The following CIRSR variants were observed in gnomAD, a reference collection of about 807,000 sequenced individuals.
CIRSR encodes corepressor of RBPJ and splicing regulator.
At chr2:174,363,603 A>G in the CIRSR span, among the ~76,000 whole-genome samples, 1 of 152,196 alleles carries the variant, frequency 6.6e-6, no homozygotes, top group Non-Finnish European at 1.5e-5. Context: ...TTACAAAAGA[A>G]AGAGGTTTAA....
At chr2:174,377,477 T>C in the CIRSR span, among the ~76,000 whole-genome samples, 1 of 152,134 alleles carries the variant, frequency 6.6e-6, no homozygotes, top group African/African-American at 2.4e-5. Flanking sequence ...ACTGAGCGAA[T>C]AATTTCCTTC....
the CIRSR span, chr2:174,387,580 A>T: frequency 4.1e-6 from 5 of 1,226,462 alleles, no homozygotes; most frequent in East Asian, 7.9e-5. Flanking sequence ...GAATCCTATA[A>T]TTGGGTATTT....
At chr2:174,367,736 G>T in the CIRSR span, among the ~76,000 whole-genome samples, 1 of 121,360 alleles carries the variant, frequency 8.2e-6, no homozygotes, top group African/African-American at 3.5e-5. Flanking sequence ...AGAGAGAGAT[G>T]CTGTCTCTTA....
chr2:174,394,678 A>G, the CIRSR span, among the ~76,000 whole-genome samples: 18 of 152,350 alleles, frequency 1.2e-4, no homozygotes, highest in Non-Finnish European at 2.5e-4. Flanking sequence ...AAAAAAGTTG[A>G]GAATCACTGG....
the CIRSR span, among the ~76,000 whole-genome samples, chr2:174,360,422 C>T: frequency 6.6e-6 from 1 of 152,320 alleles, no homozygotes; most frequent in South Asian, 2.1e-4. Context: ...CATTCACTCA[C>T]TCACTAAACC....
the CIRSR span, chr2:174,380,590 G>A: frequency 7.0e-7 from 1 of 1,419,098 alleles, no homozygotes. Context: ...CATAAGATGG[G>A]ATATCAGTAA....
the CIRSR span, chr2:174,380,079 A>T: frequency 3.3e-6 from 2 of 611,298 alleles, no homozygotes; most frequent in Non-Finnish European, 5.6e-6. Context: ...TATTCCTTAT[A>T]TTATCTGATA....
the CIRSR span, among the ~76,000 whole-genome samples, chr2:174,349,564 T>TAAAAAA: frequency 9.5e-6 from 1 of 105,124 alleles, no homozygotes; most frequent in African/African-American, 3.4e-5. Context: ...GACTCTGTCT[T>TAAAAAA]AAAAAAAAAA....
At chr2:174,349,086 T>C in the CIRSR span, 33 of 1,545,808 alleles carry the variant, frequency 2.1e-5, no homozygotes, top group Non-Finnish European at 2.6e-5. Context: ...AGAGGACTTA[T>C]GTTTTTTGTG....
At chr2:174,388,700 C>A in the CIRSR span, among the ~76,000 whole-genome samples, 795 of 152,230 alleles carry the variant, frequency 5.2e-3, 3 homozygotes, top group South Asian at 0.023. Context: ...CAAACACACA[C>A]ACGCACACAA....
the CIRSR span, among the ~76,000 whole-genome samples, chr2:174,355,740 G>A: frequency 6.6e-6 from 1 of 152,100 alleles, no homozygotes; most frequent in Non-Finnish European, 1.5e-5. Context: ...AACAATGAAA[G>A]GTAAAAAAAG....
chr2:174,349,274 A>G, the CIRSR span: 1 of 765,746 alleles, frequency 1.3e-6, no homozygotes, highest in Middle Eastern at 3.9e-4. Flanking sequence ...GTTATTAAAA[A>G]TAGTATCCAT....
chr2:174,348,724 C>G, the CIRSR span: 1 of 1,614,068 alleles, frequency 6.2e-7, no homozygotes, highest in Non-Finnish European at 8.5e-7. Flanking sequence ...CTGCTGCTCC[C>G]CTCCTTTCTT....
the CIRSR span, among the ~76,000 whole-genome samples, chr2:174,357,873 T>C: frequency 6.6e-6 from 1 of 152,262 alleles, no homozygotes; most frequent in East Asian, 1.9e-4. Context: ...TGTGGGTGAT[T>C]TTTATTTATA....
At chr2:174,364,883 TTC>T in the CIRSR span, among the ~76,000 whole-genome samples, 1,637 of 152,316 alleles carry the variant, frequency 0.011, 36 homozygotes, top group African/African-American at 0.038. Context: ...CCATGAAGAC[TTC>T]TGACATGCTC....
chr2:174,386,121 T>C, the CIRSR span, among the ~76,000 whole-genome samples: 2 of 152,242 alleles, frequency 1.3e-5, no homozygotes, highest in Admixed American at 1.3e-4. Context: ...AACTGTTTCC[T>C]GAATACCCTC....
At chr2:174,371,484 T>C in the CIRSR span, among the ~76,000 whole-genome samples, 1 of 152,228 alleles carries the variant, frequency 6.6e-6, no homozygotes, top group African/African-American at 2.4e-5. Context: ...AAATATTTTA[T>C]AAAAATTCAG....
the CIRSR span, chr2:174,348,929 A>C: frequency 1.3e-4 from 206 of 1,613,800 alleles, no homozygotes; most frequent in Non-Finnish European, 1.6e-4. Context: ...CCTTCTCTTC[A>C]GAATCACTGT....
At chr2:174,349,232 A>AC in the CIRSR span, 1 of 899,954 alleles carries the variant, frequency 1.1e-6, no homozygotes, top group Non-Finnish European at 1.6e-6. Context: ...CATCAACTGT[A>AC]AGTTATGAAC....
Sources: allele counts gnomAD v4.1 joint callset (sites outside exome capture counted in the v4.1 genomes callset), GRCh38; gene constraint gnomAD v4.1.1; transcripts MANE v1.5; gene names NCBI Gene and HGNC (gene_info 2026-07-23, HGNC 2026-07-21).